Variants in RRP12 observed in about 807,000 individuals in gnomAD.
RRP12 encodes the protein ribosomal RNA processing 12 homolog, also known as RRP12-like protein.
In RRP12, 78 loss-of-function variants were observed where a neutral mutation model predicts 157.3. The ratio of observed to expected loss-of-function variants is 0.50; its 90% CI spans 0.41 to 0.60. The LOEUF (loss-of-function observed/expected upper bound fraction) is 0.60, where lower values mean the gene tolerates loss of function less well. Among genes scored for constraint, RRP12 ranks in the 20% least tolerant of loss-of-function variants. RRP12 has a pLI of 0.00. For missense variants in RRP12, 1,521 were observed against 1,679.9 expected (o/e 0.91, Z 1.65); for synonymous variants, 726 against 670.9 (o/e 1.08, Z -1.27).
chr10:97,366,407 A>G, intron 28 of RRP12, 39 bp downstream of exon 28: 1 of 1,572,528 alleles, frequency 6.4e-7, no homozygotes, highest in Non-Finnish European at 8.6e-7. Flanking sequence ...CACCATGGCA[A>G]GTCTGTTTTC....
At chr10:97,400,805 T>C (rs1273542222) in intron 1 of RRP12, among the ~76,000 whole-genome samples, 1 of 151,976 alleles carries the variant, frequency 6.6e-6, no homozygotes, top group Non-Finnish European at 1.5e-5. Flanking sequence ...GCCTGCAAAA[T>C]AAATGAAGGT....
chr10:97,400,953 A>C (rs1285489742), intron 1 of RRP12, 140 bp downstream of exon 1: 13 of 1,051,416 alleles, frequency 1.2e-5, no homozygotes, highest in Non-Finnish European at 1.7e-5. Flanking sequence ...TGCCCTTCAG[A>C]GAGGGCTCCA....
Position 97,376,212 on chromosome 10 carries a change from C to CTTTTT in RRP12, c.1799-2323_1799-2319dup, listed in dbSNP as rs771016888. ...GGGAAGACTGAATGACTTTTACTTT[C>CTTTTT]TTTTTTTTTTTTTTTTTTTTGAGAT... On this transcript the variant is annotated intron_variant, in intron 15 of 33. Transcript: ENST00000370992. 1.8e-3 allele frequency among the ~76,000 whole-genome samples: 194 copies of CTTTTT among 107,508 alleles called. 3 individuals are homozygous for CTTTTT. Among genetic ancestry groups the CTTTTT allele is most frequent in the Non-Finnish European group, 2.1e-3 (115 of 55,968 alleles). 70.5% of individuals were successfully genotyped at this position (107,508 alleles called of 152,430 possible). A position where few individuals can be genotyped will look rare whatever the true frequency, so the allele number is the denominator to read the frequency against.
At chr10:97,377,561 C>T (rs944408130) in intron 15 of RRP12, among the ~76,000 whole-genome samples, 1 of 150,250 alleles carries the variant, frequency 6.7e-6, no homozygotes, top group Non-Finnish European at 1.5e-5. Context: ...ATTGTATGTA[C>T]AGGCTTGGCA....
intron 32 of RRP12, 137 bp downstream of exon 32, chr10:97,358,806 A>T: frequency 1.2e-6 from 1 of 815,614 alleles, no homozygotes; most frequent in Non-Finnish European, 2.0e-6. Context: ...TTAGCATCTG[A>T]ACCCCTTCTT....
rs570169552 is a variant in RRP12, at chr10:97,386,977, G to A, written c.1018-984C>T. 2.3e-4 allele frequency among the ~76,000 whole-genome samples: 34 copies of A among 145,278 alleles called. No homozygotes were observed. In the South Asian group the frequency reaches 6.6e-3, roughly 28 times the overall value. ...TGCACTCCAGCCTGGGTGACAGAGC[G>A]AGACTCCATCACAAAAAAAAAAAGA... On this transcript the variant is annotated intron_variant, in intron 8 of 33. Transcript: ENST00000370992.
chr10:97,370,919 T>C lies in RRP12; in HGVS notation c.2502+4A>G, dbSNP rs1274825109. On this transcript the variant is annotated splice_donor_region_variant and intron_variant, in intron 21 of 33. Transcript: ENST00000370992. ...GGCAGAGCGGGTGGCCCTAGAGCCC[T>C]CACCCTCTTGGCGGGTGAGGAGGTG... is the stretch of plus-strand genomic sequence containing the variant. 6.2e-7 allele frequency: 1 copy of C among 1,614,016 alleles called. No individual in the cohort carries two copies. Among genetic ancestry groups the C allele is most frequent in the East Asian group, 2.2e-5 (1 of 44,864 alleles).
Position 97,385,260 on chromosome 10 carries a change from A to AAT in RRP12, c.1117-4_1117-3insAT. Reference sequence around the variant, plus strand: ...CTGGGAACATAGTCGTACAGGGCCTAAAAGTGGGAATAAGCAGGTGACTGA... The same window carrying AAT: ...CTGGGAACATAGTCGTACAGGGCCTAATAAAGTGGGAATAAGCAGGTGACTGA... On this transcript the variant is annotated splice_region_variant and splice_polypyrimidine_tract_variant and intron_variant, in intron 9 of 33. Coordinates refer to ENST00000370992, the MANE Select transcript of RRP12 (RefSeq NM_015179.4). The AAT allele has an allele frequency of 6.2e-7, 1 of 1,612,118 alleles. No individual in the cohort carries two copies. Among genetic ancestry groups the AAT allele is most frequent in the Non-Finnish European group, 8.5e-7 (1 of 1,178,272 alleles).
intron 31 of RRP12, among the ~76,000 whole-genome samples, chr10:97,360,154 C>T (rs530928531): frequency 6.6e-6 from 1 of 152,352 alleles, no homozygotes; most frequent in South Asian, 2.1e-4. Flanking sequence ...TCCCAGTTCC[C>T]AGCCCTGGCA....
At chr10:97,361,291 G>A (rs1156336384) in intron 30 of RRP12, among the ~76,000 whole-genome samples, 2 of 152,260 alleles carry the variant, frequency 1.3e-5, no homozygotes, top group Admixed American at 1.3e-4. Flanking sequence ...GGCAGTCCAA[G>A]GGAAGGAGGG....
At chr10:97,376,548 C>T (rs1415039055) in intron 15 of RRP12, among the ~76,000 whole-genome samples, 1 of 152,118 alleles carries the variant, frequency 6.6e-6, no homozygotes, top group Non-Finnish European at 1.5e-5. Context: ...GTATATTCTA[C>T]AAGATCATGT....
intron 13 of RRP12, 87 bp downstream of exon 13, chr10:97,380,712 A>T (rs1844441985): frequency 2.1e-6 from 2 of 935,664 alleles, no homozygotes; most frequent in Admixed American, 1.8e-5. Flanking sequence ...CAGGGTGCAG[A>T]GATAACAGAG....
intron 8 of RRP12, 94 bp downstream of exon 8, chr10:97,388,158 G>A (rs1482183794): frequency 1.2e-5 from 19 of 1,529,264 alleles, no homozygotes; most frequent in Non-Finnish European, 1.6e-5. Flanking sequence ...GTCAGGGAGG[G>A]AGACCCCAGG....
Position 97,373,130 on chromosome 10 carries a change from C to T in RRP12, c.2097G>A (p.Gln699=). The stretch of plus-strand genomic sequence containing the variant: ...CTGGAGTGTCCCCGGCTGCCACGGG[C>T]TGCCCATACAGGTTGAAGAGGATCG... ...FLPILFNLYG[Q]PVAAGDTPAP... Residue 699 remains glutamine (Q), a synonymous_variant, in exon 18 of 34, where the codon CAG becomes CAA. Coordinates refer to ENST00000370992, the MANE Select transcript of RRP12 (RefSeq NM_015179.4). The T allele has an allele frequency of 6.2e-7, 1 of 1,614,186 alleles. No individual in the cohort carries two copies.
Position 97,390,862 on chromosome 10 carries a change from G to A in RRP12, c.531-18C>T. ...TGGGAACACTGTGGGAAAGAACAGA[G>A]ATGGTCACCCCAGAGGGTCCCTGAA... On this transcript the variant is annotated intron_variant, in intron 4 of 33. Coordinates refer to ENST00000370992, the MANE Select transcript of RRP12 (RefSeq NM_015179.4). 2 of 1,533,720 alleles carry A rather than the reference G, an allele frequency of 1.3e-6. No individual in the cohort carries two copies. The highest frequency in any genetic ancestry group is 2.2e-5 in the South Asian group (2 of 89,424).
chr10:97,384,409 A>G (rs1844558186), intron 10 of RRP12, among the ~76,000 whole-genome samples: 1 of 134,672 alleles, frequency 7.4e-6, no homozygotes, highest in South Asian at 2.6e-4. Context: ...AGACCCCCCA[A>G]CCTTGGCAGC....
intron 3 of RRP12, among the ~76,000 whole-genome samples, chr10:97,395,163 CA>C (rs1205694763): frequency 6.6e-6 from 1 of 151,184 alleles, no homozygotes; most frequent in Non-Finnish European, 1.5e-5. Flanking sequence ...CAAACAACAA[CA>C]AAAAAACCCA....
chr10:97,368,258 C>G (rs1277509359), intron 25 of RRP12, among the ~76,000 whole-genome samples: 3 of 151,824 alleles, frequency 2.0e-5, no homozygotes, highest in Non-Finnish European at 4.4e-5. Context: ...TCTCGAATTC[C>G]TGACCTCAAG....
At position 97,373,587 on chromosome 10, in the gene RRP12, C is replaced by T. The variant is rs746428355; in HGVS notation, c.2014G>A (p.Gly672Ser). ...CQALRTLITK[G>S]CQAEADRAEV... ...AGCCCACACGTACCTGCCTGGCAGC[C>T]CTTGGTGATGAGGGTGCGCAGGGCC... The change falls in exon 17 of 34, where the codon GGC becomes AGC. Residue 672 changes from glycine (G) to serine (S), a missense_variant. Coordinates refer to ENST00000370992, the MANE Select transcript of RRP12 (RefSeq NM_015179.4). 2 of 1,603,054 alleles carry T rather than the reference C, an allele frequency of 1.2e-6. No homozygotes were observed. Among genetic ancestry groups the T allele is most frequent in the South Asian group, 1.1e-5 (1 of 90,406 alleles).
Sources: allele counts gnomAD v4.1 joint callset (sites outside exome capture counted in the v4.1 genomes callset), GRCh38; gene constraint gnomAD v4.1.1; transcripts MANE v1.5; gene names NCBI Gene and HGNC (gene_info 2026-07-23, HGNC 2026-07-21).